The following LDLRAD4 variants were observed in gnomAD, a reference collection of about 807,000 sequenced individuals.
The protein encoded by LDLRAD4 is low density lipoprotein receptor class A domain containing 4, also known as low-density lipoprotein receptor class A domain-containing protein 4.
A neutral mutation model predicts 17.0 loss-of-function variants in LDLRAD4; 5 were observed. The ratio of observed to expected loss-of-function variants is 0.29; its 90% CI spans 0.15 to 0.62. The LOEUF is 0.62. LDLRAD4 is among the 20% of genes least tolerant of loss of function. The pLI is 0.84. For synonymous variants in LDLRAD4, 168 were observed against 171.8 expected, an observed-to-expected ratio of 0.98 and a Z score of 0.17; for missense variants, 340 against 424.7, an observed-to-expected ratio of 0.80 and a Z score of 1.75.
intron 3 of LDLRAD4, among the ~76,000 whole-genome samples, chr18:13,544,691 C>T (rs2147990021): frequency 6.6e-6 from 1 of 152,246 alleles, no homozygotes; most frequent in African/African-American, 2.4e-5. Context: ...CTAACTGCAA[C>T]CTGTTGACAG....
intron 1 of LDLRAD4, among the ~76,000 whole-genome samples, chr18:13,301,065 C>A (rs62097353): frequency 2.0e-5 from 3 of 150,674 alleles, no homozygotes; most frequent in Non-Finnish European, 4.4e-5. Flanking sequence ...GGAGGCCGAA[C>A]TGGCCGGGGT....
At chr18:13,448,998 C>G (rs1340421529) in intron 3 of LDLRAD4, among the ~76,000 whole-genome samples, 1 of 152,154 alleles carries the variant, frequency 6.6e-6, no homozygotes, top group Non-Finnish European at 1.5e-5. Flanking sequence ...ATCATTTTTT[C>G]ACTCCTTCAT....
chr18:13,243,859 C>T (rs987099017), intron 1 of LDLRAD4, among the ~76,000 whole-genome samples: 2 of 149,828 alleles, frequency 1.3e-5, no homozygotes, highest in African/African-American at 4.9e-5. Flanking sequence ...ACTCACTCAC[C>T]CACCCACACA....
chr18:13,238,825 C>A (rs2042470366), intron 1 of LDLRAD4, among the ~76,000 whole-genome samples: 1 of 152,122 alleles, frequency 6.6e-6, no homozygotes, highest in Non-Finnish European at 1.5e-5. Flanking sequence ...TGAGATGCCT[C>A]CTGCTCCTAC....
At chr18:13,321,809 C>T (rs1423369226) in intron 1 of LDLRAD4, among the ~76,000 whole-genome samples, 4 of 126,886 alleles carry the variant, frequency 3.2e-5, no homozygotes, top group Admixed American at 1.0e-4. Flanking sequence ...TGCAGTGAGC[C>T]GAGATCGCGC....
chr18:13,636,309 T>C (rs2042076815), intron 4 of LDLRAD4, among the ~76,000 whole-genome samples: 1 of 151,918 alleles, frequency 6.6e-6, no homozygotes. Flanking sequence ...GGCTTTTCCA[T>C]CTCATGAATA....
chr18:13,480,326 C>A (rs574111576), intron 3 of LDLRAD4, among the ~76,000 whole-genome samples: 1 of 152,160 alleles, frequency 6.6e-6, no homozygotes, highest in Non-Finnish European at 1.5e-5. Flanking sequence ...CTGAAAGCTA[C>A]GTACAGTGTG....
intron 1 of LDLRAD4, among the ~76,000 whole-genome samples, chr18:13,296,389 A>G (rs2046278064): frequency 1.3e-5 from 2 of 152,156 alleles, no homozygotes; most frequent in Admixed American, 1.3e-4. Flanking sequence ...TGGAGGCTCT[A>G]AATCCAAGAT....
chr18:13,348,866 C>T (rs548756978), intron 1 of LDLRAD4, among the ~76,000 whole-genome samples: 9 of 152,090 alleles, frequency 5.9e-5, no homozygotes, highest in Admixed American at 3.3e-4. Context: ...TAGGACCCTC[C>T]GAGCCAGGCA....
intron 3 of LDLRAD4, among the ~76,000 whole-genome samples, chr18:13,576,421 C>CAAAAAAAAA (rs60116058): frequency 1.1e-5 from 1 of 90,284 alleles, no homozygotes; most frequent in Non-Finnish European, 2.2e-5. Context: ...GACTCTGTCT[C>CAAAAAAAAA]AAAAAAAAAA....
intron 3 of LDLRAD4, chr18:13,612,772 AAGGT>A: frequency 6.2e-7 from 1 of 1,614,100 alleles, no homozygotes; most frequent in Non-Finnish European, 8.5e-7. Context: ...TTCTTAAAAA[AAGGT>A]ACATTTCCCA....
chr18:13,434,248 G>GTTTT, intron 2 of LDLRAD4, among the ~76,000 whole-genome samples: 1 of 147,256 alleles, frequency 6.8e-6, no homozygotes, highest in Non-Finnish European at 1.5e-5. Flanking sequence ...TTTCTCCTAA[G>GTTTT]TTTTTTTTTT....
At chr18:13,298,763 C>T (rs962307298) in intron 1 of LDLRAD4, among the ~76,000 whole-genome samples, 10 of 152,224 alleles carry the variant, frequency 6.6e-5, no homozygotes, top group African/African-American at 2.2e-4. Context: ...GGACGTGCTG[C>T]GGGGCCACTG....
chr18:13,499,907 A>G (rs1054240346), intron 3 of LDLRAD4, among the ~76,000 whole-genome samples: 4 of 152,160 alleles, frequency 2.6e-5, no homozygotes, highest in African/African-American at 9.7e-5. Context: ...TGCTTGGGTC[A>G]AGCAGCCGCA....
At chr18:13,594,061 C>T (rs182961607) in intron 3 of LDLRAD4, among the ~76,000 whole-genome samples, 9 of 152,344 alleles carry the variant, frequency 5.9e-5, no homozygotes, top group Admixed American at 2.0e-4. Flanking sequence ...TACACACACA[C>T]ACACATGCAA....
At chr18:13,394,007 T>A (rs2086470426) in intron 2 of LDLRAD4, among the ~76,000 whole-genome samples, 1 of 149,594 alleles carries the variant, frequency 6.7e-6, no homozygotes, top group Non-Finnish European at 1.5e-5. Context: ...ACAGTCTGCC[T>A]ACTTGCAATT....
chr18:13,417,792 G>A (rs1277206510), intron 2 of LDLRAD4, among the ~76,000 whole-genome samples: 1 of 152,168 alleles, frequency 6.6e-6, no homozygotes, highest in Non-Finnish European at 1.5e-5. Flanking sequence ...GGAGATGTCA[G>A]TATTCCTTTT....
At position 13,573,265 on chromosome 18, in the gene LDLRAD4, C is replaced by T. The variant is rs186924050; in HGVS notation, c.182-47852C>T. Among the ~76,000 whole-genome samples, 890 of 151,902 alleles carry T rather than the reference C, an allele frequency of 5.9e-3. 6 individuals carry two copies. The highest frequency in any genetic ancestry group is 0.014 in the Middle Eastern group (4 of 294). ...GATTACAGGTACCCACCACCACGCC[C>T]CACTAATTTTTGTATTTTTAGTAGA... is the stretch of plus-strand genomic sequence containing the variant. On this transcript the variant is annotated intron_variant, in intron 3 of 5. Coordinates refer to ENST00000359446, the Ensembl canonical transcript of LDLRAD4.
rs2092554053 is a variant in LDLRAD4, at chr18:13,464,642, C to T, written c.181+26258C>T. Among the ~76,000 whole-genome samples, 3 of 152,068 alleles carry T rather than the reference C, an allele frequency of 2.0e-5. 1 individual carries two copies. The Middle Eastern group carries it at 0.01, about 521-fold the overall frequency. On this transcript the variant is annotated intron_variant, in intron 3 of 5. Coordinates refer to ENST00000359446, the Ensembl canonical transcript of LDLRAD4. ...GCCACCGTGTGTCTAGAACCTTCCACAGGGAAGTGCACCTGAATGTGGAAA... is the reference window on the plus strand; with the variant it reads ...GCCACCGTGTGTCTAGAACCTTCCATAGGGAAGTGCACCTGAATGTGGAAA...
Sources: allele counts gnomAD v4.1 joint callset (sites outside exome capture counted in the v4.1 genomes callset), GRCh38; gene constraint gnomAD v4.1.1; transcripts MANE v1.5; gene names NCBI Gene and HGNC (gene_info 2026-07-23, HGNC 2026-07-21).